The following KAZN variants were observed in gnomAD, a reference collection of about 807,000 sequenced individuals.
KAZN encodes kazrin.
Under a neutral mutation model 87.4 loss-of-function variants are expected in KAZN, and 40 were observed. That is an observed-to-expected ratio of 0.46 (90% CI 0.36 to 0.60). The LOEUF (loss-of-function observed/expected upper bound fraction) is 0.60, where lower values mean the gene tolerates loss of function less well. KAZN is among the 20% of genes least tolerant of loss of function. KAZN has a pLI of 0.00. For missense variants in KAZN, 898 were observed against 1,073.9 expected (o/e 0.84, Z 2.29); for synonymous variants, 466 against 458.3 (o/e 1.02, Z -0.22).
intron 1 of KAZN, among the ~76,000 whole-genome samples, chr1:14,832,282 A>G (rs948265381): frequency 2.6e-5 from 4 of 151,464 alleles, no homozygotes; most frequent in African/African-American, 9.7e-5. Flanking sequence ...CACACCCCCC[A>G]CGTCTCTCTA....
intron 2 of KAZN, among the ~76,000 whole-genome samples, chr1:14,335,972 T>C (rs1476670419): frequency 1.3e-5 from 2 of 152,210 alleles, no homozygotes; most frequent in Non-Finnish European, 2.9e-5. Context: ...CCTGCAGCAA[T>C]GCAGGTGAGA....
chr1:14,157,981 G>A (rs1645632461), intron 1 of KAZN, among the ~76,000 whole-genome samples: 1 of 152,100 alleles, frequency 6.6e-6, no homozygotes, highest in African/African-American at 2.4e-5. Flanking sequence ...CCACCCTCAT[G>A]AGCCAATCAC....
intron 1 of KAZN, among the ~76,000 whole-genome samples, chr1:14,169,226 G>C (rs1645897626): frequency 6.6e-6 from 1 of 152,044 alleles, no homozygotes; most frequent in Non-Finnish European, 1.5e-5. Context: ...GGCCAAGAAA[G>C]AGGCTCTATC....
chr1:14,422,270 C>T (rs1571608732), intron 2 of KAZN, among the ~76,000 whole-genome samples: 1 of 152,164 alleles, frequency 6.6e-6, no homozygotes, highest in Admixed American at 6.5e-5. Context: ...CGTGGGCTTC[C>T]GTGTTTACTC....
chr1:14,930,108 C>T (rs1240313090), intron 1 of KAZN: 3 of 983,680 alleles, frequency 3.0e-6, no homozygotes, highest in African/African-American at 3.5e-5. Context: ...GCCTAAGCAG[C>T]GGGGAGCTGG....
chr1:14,710,622 G>T (rs141611212), intron 1 of KAZN, among the ~76,000 whole-genome samples: 1 of 152,058 alleles, frequency 6.6e-6, no homozygotes, highest in African/African-American at 2.4e-5. Context: ...CCCACCCCCC[G>T]GTACCAGCAT....
chr1:14,531,537 G>A (rs1015558851), intron 2 of KAZN, among the ~76,000 whole-genome samples: 2 of 152,162 alleles, frequency 1.3e-5, no homozygotes, highest in African/African-American at 4.8e-5. Flanking sequence ...GGGAGAGGGT[G>A]TAGAATGTGG....
At chr1:14,333,074 C>T (rs1054366358) in intron 2 of KAZN, among the ~76,000 whole-genome samples, 1 of 151,990 alleles carries the variant, frequency 6.6e-6, no homozygotes, top group East Asian at 1.9e-4. Context: ...GTGTGATGTT[C>T]CCCTCCCTGT....
At chr1:14,363,215 A>G (rs1051650522) in intron 2 of KAZN, among the ~76,000 whole-genome samples, 1 of 152,208 alleles carries the variant, frequency 6.6e-6, no homozygotes, top group Non-Finnish European at 1.5e-5. Context: ...AAATCTCTAT[A>G]AACTACTCCT....
chr1:14,137,328 C>T (rs572945638), intron 1 of KAZN, among the ~76,000 whole-genome samples: 6 of 152,238 alleles, frequency 3.9e-5, no homozygotes, highest in South Asian at 4.1e-4. Context: ...TTCCCAGGTG[C>T]GTGGGTCAGG....
chr1:14,165,675 C>T (rs1439699697), intron 1 of KAZN, among the ~76,000 whole-genome samples: 1 of 152,222 alleles, frequency 6.6e-6, no homozygotes, highest in Non-Finnish European at 1.5e-5. Context: ...AGTCTGTTGT[C>T]ATCAGCACCC....
chr1:14,456,959 A>C (rs1392317499), intron 2 of KAZN, among the ~76,000 whole-genome samples: 1 of 152,198 alleles, frequency 6.6e-6, no homozygotes, highest in African/African-American at 2.4e-5. Context: ...GTGTGCCTGG[A>C]GTCCCAGCTA....
At chr1:13,964,923 C>T (rs1344351697) in intron 1 of KAZN, among the ~76,000 whole-genome samples, 1 of 152,094 alleles carries the variant, frequency 6.6e-6, no homozygotes, top group Non-Finnish European at 1.5e-5. Context: ...GACAAAGACT[C>T]GAAGCAGATG....
At chr1:14,621,901 G>A (rs919819278) in intron 1 of KAZN, among the ~76,000 whole-genome samples, 3 of 152,158 alleles carry the variant, frequency 2.0e-5, no homozygotes, top group Non-Finnish European at 2.9e-5. Flanking sequence ...TATTAGCAAC[G>A]TGAGAACAGA....
At chr1:14,159,344 C>T (rs1246647607) in intron 1 of KAZN, among the ~76,000 whole-genome samples, 1 of 152,182 alleles carries the variant, frequency 6.6e-6, no homozygotes, top group Non-Finnish European at 1.5e-5. Flanking sequence ...CCACTCTTCT[C>T]TCCCCTTTCC....
intron 1 of KAZN, among the ~76,000 whole-genome samples, chr1:14,758,147 C>G (rs1211078873): frequency 2.0e-5 from 2 of 100,024 alleles, no homozygotes; most frequent in Admixed American, 8.6e-5. Context: ...TCCCTCCTTC[C>G]TCCCTTCCTC....
chr1:15,101,394 C>T, intron 10 of KAZN, 149 bp from the exon 11 acceptor site: 1 of 622,302 alleles, frequency 1.6e-6, no homozygotes, highest in South Asian at 1.9e-5. Flanking sequence ...TCGGCTCCAT[C>T]CCTGTCCATG....
At chr1:14,667,547 T>A (rs1449290395) in intron 1 of KAZN, among the ~76,000 whole-genome samples, 3 of 152,216 alleles carry the variant, frequency 2.0e-5, no homozygotes, top group African/African-American at 2.4e-5. Context: ...GAACACTGAA[T>A]AAGTTGTGCT....
At chr1:14,231,267 T>C (rs1248931141) in intron 2 of KAZN, among the ~76,000 whole-genome samples, 2 of 152,208 alleles carry the variant, frequency 1.3e-5, no homozygotes, top group Non-Finnish European at 2.9e-5. Flanking sequence ...GAGATATAAA[T>C]GCAATCAAAT....
Sources: allele counts gnomAD v4.1 joint callset (sites outside exome capture counted in the v4.1 genomes callset), GRCh38; gene constraint gnomAD v4.1.1; transcripts MANE v1.5; gene names NCBI Gene and HGNC (gene_info 2026-07-23, HGNC 2026-07-21).